The following BAAT variants were observed in gnomAD, a reference collection of about 807,000 sequenced individuals.
The protein encoded by BAAT is bile acid CoA: amino acid N-acyltransferase (glycine N-choloyltransferase).
In BAAT, 13 loss-of-function variants were observed where a neutral mutation model predicts 18.9. The observed-to-expected ratio is 0.69, with a 90% CI of 0.45 to 1.10. The LOEUF is 1.10. Among genes scored for constraint, BAAT ranks in the 50% least tolerant of loss-of-function variants. The pLI, the probability that BAAT is intolerant of heterozygous loss-of-function variation, is 0.00. For missense variants in BAAT, 489 were observed against 504.0 expected (o/e 0.97, Z 0.28); for synonymous variants, 170 against 190.7 (o/e 0.89, Z 0.89).
intron 1 of BAAT, among the ~76,000 whole-genome samples, chr9:101,379,498 A>G (rs1830098461): frequency 6.6e-6 from 1 of 152,244 alleles, no homozygotes; most frequent in Non-Finnish European, 1.5e-5. Context: ...GCCAATCACT[A>G]TTCTTGCTGC....
Position 101,362,422 on chromosome 9 carries a change from GTCT to G in BAAT, c.*3_*5del, listed in dbSNP as rs1829742909. ...CTTCTTTATTTTCTAGGAATATCTA[GTCT>G]TCTTAGAGTTGACTGGTCACATCTG... On this transcript the variant is annotated 3_prime_UTR_variant, in exon 4 of 4. Transcript: ENST00000259407. 6.2e-7 allele frequency: 1 copy of G among 1,612,366 alleles called. No homozygotes were observed. The highest frequency in any genetic ancestry group is 8.5e-7 in the Non-Finnish European group (1 of 1,178,524).
At position 101,361,652 on chromosome 9, in the gene BAAT, C is replaced by T. The variant is rs994129398; in HGVS notation, c.*776G>A. 6.6e-6 allele frequency: 1 copy of T among 152,660 alleles called. No individual in the cohort carries two copies. The highest frequency in any genetic ancestry group is 2.4e-5 in the African/African-American group (1 of 41,454). The allele number at this position is 152,660 out of a possible 1,614,324, so 9.5% of individuals were successfully genotyped here. A position where few individuals can be genotyped will look rare whatever the true frequency, so the allele number is the denominator to read the frequency against. ...CAATCACTCAGTTTATCAAACTCCC[C>T]AGGCTAGCCTGTACTAGTAGAGTTG... On this transcript the variant is annotated 3_prime_UTR_variant, in exon 4 of 4. Coordinates refer to ENST00000259407, the MANE Select transcript of BAAT (RefSeq NM_001701.4).
intron 1 of BAAT, among the ~76,000 whole-genome samples, chr9:101,373,980 T>C (rs1379692377): frequency 6.6e-6 from 1 of 152,234 alleles, no homozygotes; most frequent in Non-Finnish European, 1.5e-5. Context: ...TATAAATTAA[T>C]TTAGCAAGCT....
At chr9:101,372,761 AT>A (rs560282448) in intron 1 of BAAT, among the ~76,000 whole-genome samples, 16 of 152,198 alleles carry the variant, frequency 1.1e-4, no homozygotes, top group African/African-American at 3.9e-4. Flanking sequence ...TCTCTCCTAC[AT>A]GCTGATTTAC....
At chr9:101,383,305 A>G (rs1183573386) in intron 1 of BAAT, among the ~76,000 whole-genome samples, 1 of 152,196 alleles carries the variant, frequency 6.6e-6, no homozygotes, top group East Asian at 1.9e-4. Context: ...ACTCTGGGCA[A>G]CTCTACAGCT....
chr9:101,365,193 G>A (rs193125026), intron 3 of BAAT, among the ~76,000 whole-genome samples: 61 of 152,292 alleles, frequency 4.0e-4, no homozygotes, highest in Admixed American at 1.1e-3. Context: ...CAAGGACAGA[G>A]TCCTAGAGAG....
rs200963286 is a variant in BAAT at position 101,362,676 on chromosome 9, C to A, written c.1009G>T (p.Ala337Ser). ...GDKTINSKAHAEQAIGQLKRH... is the reference protein window; with the variant it reads ...GDKTINSKAHSEQAIGQLKRH... ...TTCAGCTGTCCTATGGCTTGTTCAG[C>A]GTGTGCTTTGCTGTTGATAGTCTTA... The change falls in exon 4 of 4, where the codon GCT (alanine) becomes TCT (serine). Residue 337 changes from alanine (A) to serine (S), a missense_variant. By Grantham distance (99) the Ala-to-Ser change is moderately conservative. Coordinates refer to ENST00000259407, the MANE Select transcript of BAAT (RefSeq NM_001701.4). 1.9e-6 allele frequency: 3 copies of A among 1,614,002 alleles called. No homozygotes were observed. Among genetic ancestry groups the A allele is most frequent in the South Asian group, 1.1e-5 (1 of 91,080 alleles).
intron 1 of BAAT, among the ~76,000 whole-genome samples, chr9:101,381,032 C>T (rs1830124153): frequency 6.6e-6 from 1 of 151,968 alleles, no homozygotes; most frequent in African/African-American, 2.4e-5. Flanking sequence ...GCTGGGATTA[C>T]AGGCATGAGC....
At chr9:101,367,207 C>A (rs1485914215) in intron 3 of BAAT, among the ~76,000 whole-genome samples, 5 of 150,336 alleles carry the variant, frequency 3.3e-5, no homozygotes, top group African/African-American at 1.2e-4. Flanking sequence ...ATCATAGTAG[C>A]AAAGCACATG....
chr9:101,368,182 G>GT lies in BAAT; in HGVS notation c.606dup (p.Pro203ThrfsTer10). On this transcript the variant is annotated frameshift_variant, in exon 3 of 4. Transcript: ENST00000259407. LOFTEE classifies it high-confidence loss of function. ...AAATATTCCAAATCTGTTACTTCTGGTTTGCGGGGCAGGTCTTCATAGTTA... is the reference window on the plus strand; with the variant it reads ...AAATATTCCAAATCTGTTACTTCTGGTTTTGCGGGGCAGGTCTTCATAGTTA... The GT allele has an allele frequency of 1.2e-6, 2 of 1,611,984 alleles. No homozygotes were observed. The highest frequency in any genetic ancestry group is 1.7e-6 in the Non-Finnish European group (2 of 1,179,048).
At position 101,383,707 on chromosome 9, in the gene BAAT, C is replaced by T. The variant is rs573820709; in HGVS notation, c.-60+1148G>A. Among the ~76,000 whole-genome samples, 6 of 152,224 alleles carry T rather than the reference C, an allele frequency of 3.9e-5. No individual in the cohort carries two copies. In the East Asian group the frequency reaches 5.8e-4, roughly 15 times the overall value. On this transcript the variant is annotated intron_variant, in intron 1 of 3. Transcript: ENST00000259407. ...CTTCATTTTCTGTTCTCTCTAAATC[C>T]GTCCCTCTTAGGGATTGCCACTACA...
intron 1 of BAAT, among the ~76,000 whole-genome samples, chr9:101,372,424 C>A (rs2119028384): frequency 6.6e-6 from 1 of 152,086 alleles, no homozygotes; most frequent in African/African-American, 2.4e-5. Flanking sequence ...TAGGATTTAC[C>A]CAAAGGAAAG....
intron 1 of BAAT, among the ~76,000 whole-genome samples, chr9:101,371,923 G>A (rs1829954043): frequency 6.6e-6 from 1 of 151,978 alleles, no homozygotes; most frequent in South Asian, 2.1e-4. Context: ...GAGTTTACCT[G>A]CAACAGAACA....
chr9:101,372,280 C>T (rs1279530782), intron 1 of BAAT, among the ~76,000 whole-genome samples: 7 of 107,986 alleles, frequency 6.5e-5, no homozygotes, highest in Non-Finnish European at 1.4e-4. Context: ...TACCCCCGAT[C>T]CTAAAATGAA....
chr9:101,361,987 G>A lies in BAAT; in HGVS notation c.*441C>T, dbSNP rs1829733839. ...GATGTTGCAAAGTTACTGTGGTGAA[G>A]TTGAAAAATATCACTAAAATGATTA... On this transcript the variant is annotated 3_prime_UTR_variant, in exon 4 of 4. Coordinates refer to ENST00000259407, the MANE Select transcript of BAAT (RefSeq NM_001701.4). The A allele has an allele frequency of 5.7e-6, 1 of 173,950 alleles. No homozygotes were observed. Among genetic ancestry groups the A allele is most frequent in the Non-Finnish European group, 1.2e-5 (1 of 80,662 alleles). 10.8% of individuals were successfully genotyped at this position (173,950 alleles called of 1,614,324 possible). A position where few individuals can be genotyped will look rare whatever the true frequency, so the allele number is the denominator to read the frequency against.
At chr9:101,378,323 A>C (rs1009961129) in intron 1 of BAAT, among the ~76,000 whole-genome samples, 10 of 152,236 alleles carry the variant, frequency 6.6e-5, no homozygotes, top group Admixed American at 4.6e-4. Flanking sequence ...ACCTGACTTC[A>C]AACTATACTA....
intron 1 of BAAT, among the ~76,000 whole-genome samples, chr9:101,381,584 C>G (rs191818724): frequency 5.3e-5 from 8 of 152,058 alleles, no homozygotes; most frequent in Admixed American, 5.2e-4. Flanking sequence ...GATTGTCAAA[C>G]TAATTGAAAA....
At chr9:101,372,252 G>GT (rs984425896) in intron 1 of BAAT, among the ~76,000 whole-genome samples, 39 of 150,262 alleles carry the variant, frequency 2.6e-4, no homozygotes, top group African/African-American at 9.6e-4. Flanking sequence ...ATATACCTAT[G>GT]TAACAATCCT....
At chr9:101,365,861 T>C (rs973006711) in intron 3 of BAAT, among the ~76,000 whole-genome samples, 1 of 152,138 alleles carries the variant, frequency 6.6e-6, no homozygotes, top group African/African-American at 2.4e-5. Flanking sequence ...TGACAAATAA[T>C]AATTATACAT....
Sources: gnomAD v4.1 joint callset for allele counts (sites outside exome capture counted in the v4.1 genomes callset) on GRCh38, gnomAD v4.1.1 for gene constraint, MANE v1.5 for transcripts, NCBI Gene and HGNC (gene_info 2026-07-23, HGNC 2026-07-21) for gene names.